BTG1: variants seen among roughly 807,000 people sequenced by gnomAD.
The protein encoded by BTG1 is protein BTG1.
BTG1 carries 2 observed loss-of-function variants against 15.2 expected under a neutral mutation model. The ratio of observed to expected loss-of-function variants is 0.13; its 90% CI spans 0.05 to 0.41. The LOEUF (loss-of-function observed/expected upper bound fraction) is 0.41. Among genes scored for constraint, BTG1 ranks in the 10% least tolerant of loss-of-function variants. The probability of loss-of-function intolerance (pLI) is 0.99; values close to 1 mark genes in which losing one functional copy is unlikely to be tolerated. For missense variants in BTG1, 149 were observed against 215.0 expected (o/e 0.69, Z 1.92); for synonymous variants, 109 against 82.4 (o/e 1.32, Z -1.75).
At position 92,145,541 on chromosome 12, in the gene BTG1, C is replaced by T. The variant is rs1267447693; in HGVS notation, c.-6G>A. The T allele has an allele frequency of 2.0e-6, 3 of 1,490,508 alleles. No homozygotes were observed. Among genetic ancestry groups the T allele is most frequent in the African/African-American group, 1.4e-5 (1 of 69,436 alleles). The allele number at this position is 1,490,508 out of a possible 1,614,324, so 92.3% of individuals were successfully genotyped here. The stretch of plus-strand genomic sequence containing the variant: ...CGGGTGTAGAAGGGATGCATGGGGG[C>T]GGCGTGCGGGGGCGGCCCGGGGCGG... On this transcript the variant is annotated 5_prime_UTR_variant, in exon 1 of 2. Coordinates refer to ENST00000256015, the MANE Select transcript of BTG1 (RefSeq NM_001731.3).
In BTG1 at chr12:92,145,602, G is replaced by A. The variant is rs1049979; in HGVS notation, c.-67C>T. ...GCGGCGCGGCCCCGACGGCGGAGCA[G>A]CCACCCCGGGCTTCCTCACCGGGCG... On this transcript the variant is annotated 5_prime_UTR_variant, in exon 1 of 2. Coordinates refer to ENST00000256015, the MANE Select transcript of BTG1 (RefSeq NM_001731.3). The A allele has an allele frequency of 0.39, 452,374 of 1,165,796 alleles. 88,221 individuals are homozygous for A. The highest frequency in any genetic ancestry group is 0.47 in the Middle Eastern group (1,433 of 3,074). 72.2% of individuals were successfully genotyped at this position (1,165,796 alleles called of 1,614,324 possible). A position where few individuals can be genotyped will look rare whatever the true frequency, so the allele number is the denominator to read the frequency against.
In BTG1 at chr12:92,143,343, C is replaced by G. The variant is rs1426992294; in HGVS notation, c.*737G>C. ...ACCCAATTAAGTACAAGGAAAGTTA[C>G]AAACCAGACCTCCACTTTCTAAAAA... On this transcript the variant is annotated 3_prime_UTR_variant, in exon 2 of 2. Coordinates refer to ENST00000256015, the MANE Select transcript of BTG1 (RefSeq NM_001731.3). The G allele has an allele frequency of 3.4e-5, 8 of 232,900 alleles. No individual in the cohort carries two copies. Among genetic ancestry groups the G allele is most frequent in the Non-Finnish European group, 5.9e-5 (7 of 117,674 alleles). The allele number at this position is 232,900 out of a possible 1,614,324, so 14.4% of individuals were successfully genotyped here. A position where few individuals can be genotyped will look rare whatever the true frequency, so the allele number is the denominator to read the frequency against.
intron 1 of BTG1, 103 bp from the exon 2 acceptor site, chr12:92,144,550 A>C: frequency 2.7e-6 from 4 of 1,466,138 alleles, no homozygotes; most frequent in Non-Finnish European, 2.8e-6. Context: ...AATGAAAACT[A>C]TCAACTTTTT....
Position 92,142,498 on chromosome 12 carries a change from T to C in BTG1, c.*1582A>G, listed in dbSNP as rs1046437113. On this transcript the variant is annotated 3_prime_UTR_variant, in exon 2 of 2. Coordinates refer to ENST00000256015, the MANE Select transcript of BTG1 (RefSeq NM_001731.3). ...AGTGAAGTAATCTACACTACAGCAT[T>C]ATCAAGGTTCACTTAGGTTTTTAGT... 1 of 232,398 alleles carries C rather than the reference T, an allele frequency of 4.3e-6. No individual in the cohort carries two copies. Among genetic ancestry groups the C allele is most frequent in the Non-Finnish European group, 8.5e-6 (1 of 117,608 alleles). The allele number at this position is 232,398 out of a possible 1,614,324, so 14.4% of individuals were successfully genotyped here. A position where few individuals can be genotyped will look rare whatever the true frequency, so the allele number is the denominator to read the frequency against.
At position 92,141,644 on chromosome 12, in the gene BTG1, A is replaced by G. The variant is rs889480591; in HGVS notation, c.*2436T>C. On this transcript the variant is annotated 3_prime_UTR_variant, in exon 2 of 2. Transcript: ENST00000256015. ...AACAAGAAATACATCACAAACAGCT[A>G]CTGTACCGCAGATACAGGTTCAGCT... is the stretch of plus-strand genomic sequence containing the variant. The G allele has an allele frequency of 4.3e-6, 1 of 231,492 alleles. No individual in the cohort carries two copies. The highest frequency in any genetic ancestry group is 8.5e-6 in the Non-Finnish European group (1 of 117,018). 14.3% of individuals were successfully genotyped at this position (231,492 alleles called of 1,614,324 possible). A position where few individuals can be genotyped will look rare whatever the true frequency, so the allele number is the denominator to read the frequency against.
chr12:92,144,004 T>A lies in BTG1; in HGVS notation c.*76A>T. On this transcript the variant is annotated 3_prime_UTR_variant, in exon 2 of 2. Coordinates refer to ENST00000256015, the MANE Select transcript of BTG1 (RefSeq NM_001731.3). Reference sequence around the variant, plus strand: ...GACATGGTTTAAATTCCATAATCCATCCCCAAGAGGAGCCCACCCAAAGCA... The same window carrying A: ...GACATGGTTTAAATTCCATAATCCAACCCCAAGAGGAGCCCACCCAAAGCA... The A allele has an allele frequency of 6.4e-7, 1 of 1,550,420 alleles. No homozygotes were observed. The highest frequency in any genetic ancestry group is 8.8e-7 in the Non-Finnish European group (1 of 1,141,934).
Position 92,142,154 on chromosome 12 carries a change from A to G in BTG1, c.*1926T>C, listed in dbSNP as rs542057890. ...TCTAACTCTCGAGAATGGTGTGCCA[A>G]TAATATCCACAGACATTTGTACTCT... On this transcript the variant is annotated 3_prime_UTR_variant, in exon 2 of 2. Coordinates refer to ENST00000256015, the MANE Select transcript of BTG1 (RefSeq NM_001731.3). The G allele has an allele frequency of 4.3e-6, 1 of 232,400 alleles. No individual in the cohort carries two copies. Among genetic ancestry groups the G allele is most frequent in the East Asian group, 6.1e-5 (1 of 16,420 alleles). The allele number at this position is 232,400 out of a possible 1,614,324, so 14.4% of individuals were successfully genotyped here.
chr12:92,143,944 T>TTTA lies in BTG1; in HGVS notation c.*135_*136insTAA, dbSNP rs202212514. ...TGTCACTTAAAATTTTTTTTTTTTT[T>TTTA]ACCATTCTATCTTGTGCCAGATCTT... On this transcript the variant is annotated 3_prime_UTR_variant, in exon 2 of 2. Coordinates refer to ENST00000256015, the MANE Select transcript of BTG1 (RefSeq NM_001731.3). The TTTA allele has an allele frequency of 2.6e-6, 3 of 1,151,040 alleles. No individual in the cohort carries two copies. The highest frequency in any genetic ancestry group is 3.6e-6 in the Non-Finnish European group (3 of 831,676). 71.3% of individuals were successfully genotyped at this position (1,151,040 alleles called of 1,614,324 possible). A position where few individuals can be genotyped will look rare whatever the true frequency, so the allele number is the denominator to read the frequency against.
intron 1 of BTG1, chr12:92,145,144 T>C (rs1203027614): frequency 2.1e-5 from 9 of 421,064 alleles, no homozygotes; most frequent in Non-Finnish European, 3.5e-5. Flanking sequence ...AGTTTCTTTG[T>C]TGTGCGTGTT....
rs182699138 is a variant in BTG1, at chr12:92,140,785, A to T, written c.*3295T>A. ...TGGCAGTCTGTATACCTTCAGATAA[A>T]TAAGAAATCTATTCAGTTTTAGACA... On this transcript the variant is annotated 3_prime_UTR_variant, in exon 2 of 2. Transcript: ENST00000256015. 2.0e-4 allele frequency: 46 copies of T among 232,496 alleles called. No homozygotes were observed. The East Asian group carries it at 2.8e-3, about 14-fold the overall frequency. 14.4% of individuals were successfully genotyped at this position (232,496 alleles called of 1,614,324 possible).
Position 92,145,663 on chromosome 12 carries a change from C to G in BTG1, c.-128G>C. On this transcript the variant is annotated 5_prime_UTR_variant, in exon 1 of 2. Transcript: ENST00000256015. Reference sequence around the variant, plus strand: ...AGGAAGAGAGGGCGTGAGGGGCGGACGACTACTTTTGTCTTTCTTTCTTTA... The same window carrying G: ...AGGAAGAGAGGGCGTGAGGGGCGGAGGACTACTTTTGTCTTTCTTTCTTTA... 1 of 558,942 alleles carries G rather than the reference C, an allele frequency of 1.8e-6. No individual in the cohort carries two copies. The highest frequency in any genetic ancestry group is 3.7e-5 in the East Asian group (1 of 27,160). 34.6% of individuals were successfully genotyped at this position (558,942 alleles called of 1,614,324 possible).
In BTG1 at chr12:92,143,842, C is replaced by G. The variant is rs1870406583; in HGVS notation, c.*238G>C. 4.1e-6 allele frequency: 2 copies of G among 490,738 alleles called. No homozygotes were observed. Among genetic ancestry groups the G allele is most frequent in the African/African-American group, 2.0e-5 (1 of 49,640 alleles). The allele number at this position is 490,738 out of a possible 1,614,324, so 30.4% of individuals were successfully genotyped here. ...ACCACCCTAGGACTTCCCTCCCTAG[C>G]AAATAAAGTGATCATTTACTTGGAC... On this transcript the variant is annotated 3_prime_UTR_variant, in exon 2 of 2. Transcript: ENST00000256015.
rs943097582 is a variant in BTG1 at position 92,141,479 on chromosome 12, A to T, written c.*2601T>A. On this transcript the variant is annotated 3_prime_UTR_variant, in exon 2 of 2. Transcript: ENST00000256015. ...ATTTCAAAACTACCTGTTAAAACTT[A>T]GAAAGTAACACTCCTCAAACTTACT... 4 of 231,624 alleles carry T rather than the reference A, an allele frequency of 1.7e-5. No individual in the cohort carries two copies. Among genetic ancestry groups the T allele is most frequent in the Non-Finnish European group, 3.4e-5 (4 of 117,076 alleles). The allele number at this position is 231,624 out of a possible 1,614,324, so 14.3% of individuals were successfully genotyped here. A position where few individuals can be genotyped will look rare whatever the true frequency, so the allele number is the denominator to read the frequency against.
Position 92,145,653 on chromosome 12 carries a change from G to A in BTG1, c.-118C>T. The A allele has an allele frequency of 4.7e-6, 3 of 643,644 alleles. No homozygotes were observed. The highest frequency in any genetic ancestry group is 6.8e-6 in the Non-Finnish European group (3 of 443,550). 39.9% of individuals were successfully genotyped at this position (643,644 alleles called of 1,614,324 possible). Reference sequence around the variant, plus strand: ...GAAGGCTGAGAGGAAGAGAGGGCGTGAGGGGCGGACGACTACTTTTGTCTT... The same window carrying A: ...GAAGGCTGAGAGGAAGAGAGGGCGTAAGGGGCGGACGACTACTTTTGTCTT... On this transcript the variant is annotated 5_prime_UTR_variant, in exon 1 of 2. Transcript: ENST00000256015.
At position 92,142,575 on chromosome 12, in the gene BTG1, C is replaced by CA. The variant is rs1870313136; in HGVS notation, c.*1504dup. 8.6e-6 allele frequency: 2 copies of CA among 232,758 alleles called. No individual in the cohort carries two copies. Among genetic ancestry groups the CA allele is most frequent in the East Asian group, 1.2e-4 (2 of 16,478 alleles). 14.4% of individuals were successfully genotyped at this position (232,758 alleles called of 1,614,324 possible). On this transcript the variant is annotated 3_prime_UTR_variant, in exon 2 of 2. Coordinates refer to ENST00000256015, the MANE Select transcript of BTG1 (RefSeq NM_001731.3). ...TGAGGAATCGAGAAAGTCAGCATTT[C>CA]AACTTTTGAGAATAAAAGTTCATAA...
Position 92,143,236 on chromosome 12 carries a change from T to C in BTG1, c.*844A>G. On this transcript the variant is annotated 3_prime_UTR_variant, in exon 2 of 2. Coordinates refer to ENST00000256015, the MANE Select transcript of BTG1 (RefSeq NM_001731.3). ...AATCAATATACATGAACTGTACAAA[T>C]TTACACCAGTTCATAATTTACCAAA... is the stretch of plus-strand genomic sequence containing the variant. 4.3e-6 allele frequency: 1 copy of C among 232,980 alleles called. No homozygotes were observed. Among genetic ancestry groups the C allele is most frequent in the Non-Finnish European group, 8.5e-6 (1 of 117,662 alleles). 14.4% of individuals were successfully genotyped at this position (232,980 alleles called of 1,614,324 possible). A position where few individuals can be genotyped will look rare whatever the true frequency, so the allele number is the denominator to read the frequency against.
chr12:92,141,527 T>C lies in BTG1; in HGVS notation c.*2553A>G, dbSNP rs1252147151. 2 of 231,330 alleles carry C rather than the reference T, an allele frequency of 8.6e-6. No homozygotes were observed. The highest frequency in any genetic ancestry group is 4.4e-5 in the African/African-American group (2 of 45,270). The allele number at this position is 231,330 out of a possible 1,614,324, so 14.3% of individuals were successfully genotyped here. A position where few individuals can be genotyped will look rare whatever the true frequency, so the allele number is the denominator to read the frequency against. The stretch of plus-strand genomic sequence containing the variant: ...ACTGCCAATCACAACTATGAATTCC[T>C]GGTGCCAAAGGCAACAATAATTTTG... On this transcript the variant is annotated 3_prime_UTR_variant, in exon 2 of 2. Coordinates refer to ENST00000256015, the MANE Select transcript of BTG1 (RefSeq NM_001731.3).
rs1482680052 is a variant in BTG1 at position 92,140,469 on chromosome 12, C to T, written c.*3611G>A. 1 of 227,702 alleles carries T rather than the reference C, an allele frequency of 4.4e-6. No individual in the cohort carries two copies. The highest frequency in any genetic ancestry group is 2.2e-5 in the African/African-American group (1 of 44,938). 14.1% of individuals were successfully genotyped at this position (227,702 alleles called of 1,614,324 possible). On this transcript the variant is annotated 3_prime_UTR_variant, in exon 2 of 2. Coordinates refer to ENST00000256015, the MANE Select transcript of BTG1 (RefSeq NM_001731.3). ...TTAGGAGCATTTCAAAAATATAACA[C>T]TTAACATCAGAAGAAAATGATCTAT...
rs899761071 is a variant in BTG1 at position 92,143,723 on chromosome 12, C to A, written c.*357G>T. 2 of 285,402 alleles carry A rather than the reference C, an allele frequency of 7.0e-6. No homozygotes were observed. The highest frequency in any genetic ancestry group is 1.3e-5 in the Non-Finnish European group (2 of 151,890). The allele number at this position is 285,402 out of a possible 1,614,324, so 17.7% of individuals were successfully genotyped here. A position where few individuals can be genotyped will look rare whatever the true frequency, so the allele number is the denominator to read the frequency against. On this transcript the variant is annotated 3_prime_UTR_variant, in exon 2 of 2. Coordinates refer to ENST00000256015, the MANE Select transcript of BTG1 (RefSeq NM_001731.3). ...TTCAAGTGTAATAGTGCAAATTCCCCTGCGAGATTTACTGCAGAGAAAGAT... is the reference window on the plus strand; with the variant it reads ...TTCAAGTGTAATAGTGCAAATTCCCATGCGAGATTTACTGCAGAGAAAGAT...
Sources: allele counts gnomAD v4.1 joint callset, GRCh38; gene constraint gnomAD v4.1.1; transcripts MANE v1.5; gene names NCBI Gene and HGNC (gene_info 2026-07-23, HGNC 2026-07-21).